Variants in ARHGAP15 observed in about 807,000 individuals in gnomAD.
ARHGAP15 encodes Rho GTPase activating protein 15, also known as rho GTPase-activating protein 15.
ARHGAP15 carries 51 observed loss-of-function variants against 63.7 expected under a neutral mutation model. The observed-to-expected ratio is 0.80, with a 90% CI of 0.64 to 1.01. The LOEUF (loss-of-function observed/expected upper bound fraction) is 1.01, where lower values mean the gene tolerates loss of function less well. Ranked by LOEUF, ARHGAP15 falls within the 50% of genes least tolerant of loss-of-function variation. ARHGAP15 has a pLI of 0.00. For synonymous variants in ARHGAP15, 191 were observed against 193.8 expected, an observed-to-expected ratio of 0.99 and a Z score of 0.12; for missense variants, 560 against 564.6, an observed-to-expected ratio of 0.99 and a Z score of 0.08.
chr2:143,722,293 G>A (rs1054798194), intron 13 of ARHGAP15, among the ~76,000 whole-genome samples: 4 of 151,936 alleles, frequency 2.6e-5, no homozygotes, highest in African/African-American at 9.7e-5. Flanking sequence ...AGATAAGGCT[G>A]GAGTTTAAAT....
intron 10 of ARHGAP15, among the ~76,000 whole-genome samples, chr2:143,532,135 A>T (rs550080385): frequency 2.0e-5 from 3 of 152,202 alleles, no homozygotes; most frequent in Non-Finnish European, 4.4e-5. Flanking sequence ...GAATATTGTT[A>T]GGTGGTTACA....
At chr2:143,289,067 A>G (rs1667178238) in intron 6 of ARHGAP15, among the ~76,000 whole-genome samples, 1 of 152,138 alleles carries the variant, frequency 6.6e-6, no homozygotes, top group African/African-American at 2.4e-5. Flanking sequence ...AGAGAAATCC[A>G]TAGCTCTGGA....
chr2:143,151,368 C>A (rs182652597), intron 1 of ARHGAP15, among the ~76,000 whole-genome samples: 7 of 152,006 alleles, frequency 4.6e-5, no homozygotes, highest in African/African-American at 1.7e-4. Context: ...TCCCCAGTCA[C>A]AAATCCTACC....
chr2:143,165,385 C>T (rs891328404), intron 2 of ARHGAP15, among the ~76,000 whole-genome samples: 6 of 152,080 alleles, frequency 3.9e-5, no homozygotes, highest in Non-Finnish European at 2.9e-5. Context: ...AATAAAGCTG[C>T]TGTCTTCATA....
intron 6 of ARHGAP15, among the ~76,000 whole-genome samples, chr2:143,288,642 A>G (rs1682235753): frequency 6.7e-6 from 1 of 149,878 alleles, no homozygotes; most frequent in Non-Finnish European, 1.5e-5. Context: ...TTTTGTCTGC[A>G]GACACCTTAA....
At chr2:143,227,349 T>C (rs1368225360) in intron 4 of ARHGAP15, among the ~76,000 whole-genome samples, 2 of 152,206 alleles carry the variant, frequency 1.3e-5, no homozygotes, top group East Asian at 3.9e-4. Flanking sequence ...ATTGACTCAA[T>C]ACATATGTAT....
intron 6 of ARHGAP15, among the ~76,000 whole-genome samples, chr2:143,270,076 G>A (rs943428502): frequency 1.3e-5 from 2 of 151,944 alleles, no homozygotes; most frequent in South Asian, 4.2e-4. Context: ...GGGTTCAAGC[G>A]ATTCTCCTGC....
intron 2 of ARHGAP15, among the ~76,000 whole-genome samples, chr2:143,194,727 C>T (rs1355063818): frequency 1.3e-5 from 2 of 151,808 alleles, no homozygotes; most frequent in Non-Finnish European, 2.9e-5. Context: ...AACGATCTAG[C>T]GAAAATATAC....
intron 6 of ARHGAP15, among the ~76,000 whole-genome samples, chr2:143,418,695 C>T (rs1385307315): frequency 1.3e-5 from 2 of 152,072 alleles, no homozygotes; most frequent in Non-Finnish European, 2.9e-5. Flanking sequence ...AAAAATAACA[C>T]ATTTATATGT....
intron 6 of ARHGAP15, among the ~76,000 whole-genome samples, chr2:143,413,753 C>T (rs1688543592): frequency 6.6e-6 from 1 of 152,138 alleles, no homozygotes; most frequent in Non-Finnish European, 1.5e-5. Flanking sequence ...GTATTACAGG[C>T]ATGAGCCACT....
At chr2:143,141,323 G>T (rs1689353244) in intron 1 of ARHGAP15, among the ~76,000 whole-genome samples, 1 of 152,074 alleles carries the variant, frequency 6.6e-6, no homozygotes, top group Non-Finnish European at 1.5e-5. Flanking sequence ...TCTGAAACCA[G>T]TTGGTATTAG....
intron 8 of ARHGAP15, among the ~76,000 whole-genome samples, chr2:143,482,344 GGAAAA>G (rs1448973342): frequency 6.6e-5 from 10 of 152,208 alleles, no homozygotes; most frequent in Admixed American, 6.5e-4. Context: ...AATCTCTGAG[GGAAAA>G]GAAAAGGCTG....
intron 12 of ARHGAP15, among the ~76,000 whole-genome samples, chr2:143,641,827 T>G (rs1367536321): frequency 1.3e-5 from 2 of 152,142 alleles, no homozygotes; most frequent in Non-Finnish European, 2.9e-5. Flanking sequence ...AAAATGTGCA[T>G]GCATTGTACT....
At chr2:143,202,916 T>A (rs1330278284) in intron 3 of ARHGAP15, among the ~76,000 whole-genome samples, 3 of 152,098 alleles carry the variant, frequency 2.0e-5, no homozygotes, top group Non-Finnish European at 4.4e-5. Context: ...ATGAATAAAG[T>A]ATTATATATA....
intron 6 of ARHGAP15, among the ~76,000 whole-genome samples, chr2:143,359,801 G>A (rs1025678892): frequency 3.3e-5 from 5 of 152,110 alleles, no homozygotes; most frequent in Non-Finnish European, 7.4e-5. Flanking sequence ...TTAGAAAACG[G>A]AACCCTTGAC....
At chr2:143,172,989 G>A (rs973867350) in intron 2 of ARHGAP15, among the ~76,000 whole-genome samples, 2 of 152,008 alleles carry the variant, frequency 1.3e-5, no homozygotes, top group East Asian at 1.9e-4. Context: ...AAGACTGATT[G>A]GAAAAGGGGG....
chr2:143,637,182 C>T (rs1228517063), intron 12 of ARHGAP15, among the ~76,000 whole-genome samples: 20 of 152,112 alleles, frequency 1.3e-4, no homozygotes, highest in Admixed American at 1.3e-3. Context: ...GGGACACATT[C>T]AGTGAATAAG....
At chr2:143,324,028 T>A (rs1412430755) in intron 6 of ARHGAP15, among the ~76,000 whole-genome samples, 2 of 151,964 alleles carry the variant, frequency 1.3e-5, no homozygotes, top group East Asian at 3.9e-4. Flanking sequence ...TGAAGAGATG[T>A]AAGCATGAAG....
At chr2:143,711,049 G>C (rs921442150) in intron 13 of ARHGAP15, among the ~76,000 whole-genome samples, 1 of 152,168 alleles carries the variant, frequency 6.6e-6, no homozygotes, top group Non-Finnish European at 1.5e-5. Context: ...CCTGCCTCCT[G>C]TTTTTGTCAA....
Sources: gnomAD v4.1 joint callset for allele counts (sites outside exome capture counted in the v4.1 genomes callset) on GRCh38, gnomAD v4.1.1 for gene constraint, MANE v1.5 for transcripts, NCBI Gene and HGNC (gene_info 2026-07-23, HGNC 2026-07-21) for gene names.